PPP4R2: variants seen among roughly 807,000 people sequenced by gnomAD.
PPP4R2 encodes the protein serine/threonine-protein phosphatase 4 regulatory subunit 2.
PPP4R2 carries 13 observed loss-of-function variants against 47.2 expected under a neutral mutation model. The ratio of observed to expected loss-of-function variants is 0.28; its 90% CI spans 0.18 to 0.44. The LOEUF (loss-of-function observed/expected upper bound fraction) is 0.44, where lower values mean the gene tolerates loss of function less well. PPP4R2 is among the 20% of genes least tolerant of loss of function. PPP4R2 has a pLI of 1.00. For synonymous variants in PPP4R2, 151 were observed against 163.3 expected, an observed-to-expected ratio of 0.92 and a Z score of 0.57; for missense variants, 421 against 491.2, an observed-to-expected ratio of 0.86 and a Z score of 1.35.
rs191280808 is a variant in PPP4R2 at position 73,064,746 on chromosome 3, C to G, written c.639-106C>G. 140 of 1,005,442 alleles carry G rather than the reference C, an allele frequency of 1.4e-4. No individual in the cohort carries two copies. The East Asian group carries it at 2.9e-3, about 21-fold the overall frequency. The allele number at this position is 1,005,442 out of a possible 1,614,324, so 62.3% of individuals were successfully genotyped here. A position where few individuals can be genotyped will look rare whatever the true frequency, so the allele number is the denominator to read the frequency against. ...TCTTTGTTCAGGTGTTATAATTTAA[C>G]TTTGACACTGAAATACAATTTAAAA... On this transcript the variant is annotated intron_variant, in intron 7 of 8. Transcript: ENST00000356692.
chr3:73,013,667 C>G (rs1701769116), intron 2 of PPP4R2, among the ~76,000 whole-genome samples: 2 of 147,914 alleles, frequency 1.4e-5, no homozygotes, highest in South Asian at 4.2e-4. Flanking sequence ...TTGAGACAGT[C>G]TTGCTCTGTT....
In PPP4R2 at chr3:73,026,827, A is replaced by G. The variant is rs141392571; in HGVS notation, c.117-20359A>G. ...CCAAAACATTGGACAATCCTGGCCT[A>G]TACTGTTCCTGTAACTAGATGTCAT... On this transcript the variant is annotated intron_variant, in intron 2 of 8. Transcript: ENST00000356692. Among the ~76,000 whole-genome samples the G allele has an allele frequency of 7.6e-4, 116 of 152,280 alleles. 1 individual carries two copies. In the East Asian group the frequency reaches 0.017, roughly 23 times the overall value.
chr3:73,065,784 A>G lies in PPP4R2; in HGVS notation c.*62A>G, dbSNP rs147486232. On this transcript the variant is annotated 3_prime_UTR_variant, in exon 9 of 9. Transcript: ENST00000356692. ...AGTTCTGGTTTTAACACTGTATAAA[A>G]CTTTTGTGTAATAAAATGGACCTTT... 538 of 1,142,814 alleles carry G rather than the reference A, an allele frequency of 4.7e-4. 6 individuals are homozygous for G. The East Asian group carries it at 0.013, about 28-fold the overall frequency. 70.8% of individuals were successfully genotyped at this position (1,142,814 alleles called of 1,614,324 possible). A position where few individuals can be genotyped will look rare whatever the true frequency, so the allele number is the denominator to read the frequency against.
chr3:73,025,099 CAG>C (rs1452214863), intron 2 of PPP4R2, among the ~76,000 whole-genome samples: 3 of 152,206 alleles, frequency 2.0e-5, no homozygotes, highest in East Asian at 1.9e-4. Context: ...ATGAGAGAAA[CAG>C]AGCTGGCTAC....
chr3:73,051,087 G>C (rs899374740), intron 3 of PPP4R2, among the ~76,000 whole-genome samples: 5 of 152,032 alleles, frequency 3.3e-5, no homozygotes, highest in Admixed American at 3.3e-4. Flanking sequence ...GCTAATTTTT[G>C]TATTTTTAGT....
chr3:73,055,427 T>TGTGTGTGTGTGA (rs1702712528), intron 3 of PPP4R2, among the ~76,000 whole-genome samples: 1 of 109,410 alleles, frequency 9.1e-6, no homozygotes, highest in Admixed American at 9.0e-5. Context: ...CGTGTGTGTG[T>TGTGTGTGTGTGA]GTGTGTGTGT....
At chr3:73,013,401 G>C (rs889488964) in intron 2 of PPP4R2, among the ~76,000 whole-genome samples, 34 of 152,122 alleles carry the variant, frequency 2.2e-4, no homozygotes, top group African/African-American at 7.7e-4. Context: ...GGTAATTCTT[G>C]TGCCTATAAA....
At chr3:73,013,825 G>C (rs57451894) in intron 2 of PPP4R2, among the ~76,000 whole-genome samples, 57,858 of 151,872 alleles carry the variant, frequency 0.38, 11,417 homozygotes, top group African/African-American at 0.43. Flanking sequence ...ATTTTTAGTA[G>C]AGACAGGGTT....
intron 2 of PPP4R2, among the ~76,000 whole-genome samples, chr3:73,018,304 A>G (rs954098402): frequency 3.3e-5 from 5 of 151,948 alleles, no homozygotes; most frequent in Non-Finnish European, 5.9e-5. Context: ...CGTGGGTTCT[A>G]CAGGGTTGAC....
At chr3:73,034,252 TTAA>T (rs1279669083) in intron 2 of PPP4R2, among the ~76,000 whole-genome samples, 1 of 152,212 alleles carries the variant, frequency 6.6e-6, no homozygotes, top group Non-Finnish European at 1.5e-5. Flanking sequence ...CAATGCACCT[TTAA>T]AAAAGAGTGT....
chr3:73,006,757 T>C (rs1301101600), intron 2 of PPP4R2, among the ~76,000 whole-genome samples: 1 of 152,186 alleles, frequency 6.6e-6, no homozygotes, highest in Non-Finnish European at 1.5e-5. Flanking sequence ...ATTGCTAGAG[T>C]TGGCAAAATC....
At chr3:73,062,441 C>T (rs1272588421) in intron 5 of PPP4R2, 5 of 1,611,734 alleles carry the variant, frequency 3.1e-6, no homozygotes, top group Non-Finnish European at 4.2e-6. Flanking sequence ...CTCATTTCCA[C>T]CCTGTGACCC....
chr3:73,066,237 T>C lies in PPP4R2; in HGVS notation c.*515T>C, dbSNP rs1011258115. 8 of 114,546 alleles carry C rather than the reference T, an allele frequency of 7.0e-5. No homozygotes were observed. Among genetic ancestry groups the C allele is most frequent in the African/African-American group, 2.6e-4 (7 of 27,038 alleles). The allele number at this position is 114,546 out of a possible 1,614,324, so 7.1% of individuals were successfully genotyped here. A position where few individuals can be genotyped will look rare whatever the true frequency, so the allele number is the denominator to read the frequency against. On this transcript the variant is annotated 3_prime_UTR_variant, in exon 9 of 9. Coordinates refer to ENST00000356692, the MANE Select transcript of PPP4R2 (RefSeq NM_174907.4). Reference sequence around the variant, plus strand: ...AATGGAACTTTAAGTCATATATACATACATATATATATATATATATATATA... The same window carrying C: ...AATGGAACTTTAAGTCATATATACACACATATATATATATATATATATATA...
At chr3:73,020,060 A>G (rs1298627206) in intron 2 of PPP4R2, among the ~76,000 whole-genome samples, 1 of 152,148 alleles carries the variant, frequency 6.6e-6, no homozygotes, top group African/African-American at 2.4e-5. Flanking sequence ...TTAGCTTGGG[A>G]TGCTATAACA....
At chr3:73,015,903 G>A (rs1349423909) in intron 2 of PPP4R2, 1 of 332,906 alleles carries the variant, frequency 3.0e-6, no homozygotes, top group African/African-American at 2.2e-5. Context: ...CTCCCAAAGT[G>A]CTGGGATTAC....
chr3:73,026,721 C>T (rs545156073), intron 2 of PPP4R2, among the ~76,000 whole-genome samples: 1 of 152,084 alleles, frequency 6.6e-6, no homozygotes, highest in Non-Finnish European at 1.5e-5. Context: ...AAAAAAAGCA[C>T]ATCAGCTATC....
intron 2 of PPP4R2, among the ~76,000 whole-genome samples, chr3:73,023,119 A>G (rs1050913741): frequency 6.6e-6 from 1 of 152,036 alleles, no homozygotes; most frequent in African/African-American, 2.4e-5. Context: ...AAAATTGTTA[A>G]TGGAACAATA....
chr3:73,065,756 T>TA lies in PPP4R2; in HGVS notation c.*35dup, dbSNP rs1254937884. The TA allele has an allele frequency of 1.4e-6, 2 of 1,456,902 alleles. No individual in the cohort carries two copies. The highest frequency in any genetic ancestry group is 2.8e-5 in the African/African-American group (2 of 70,288). 90.2% of individuals were successfully genotyped at this position (1,456,902 alleles called of 1,614,324 possible). The stretch of plus-strand genomic sequence containing the variant: ...AAACATTTAGATGCAGTATTTTACA[T>TA]ACAGTTCTGGTTTTAACACTGTATA... On this transcript the variant is annotated 3_prime_UTR_variant, in exon 9 of 9. Coordinates refer to ENST00000356692, the MANE Select transcript of PPP4R2 (RefSeq NM_174907.4).
chr3:73,057,387 G>A (rs1702750368), intron 3 of PPP4R2, among the ~76,000 whole-genome samples: 1 of 152,038 alleles, frequency 6.6e-6, no homozygotes, highest in African/African-American at 2.4e-5. Flanking sequence ...TTTTGACATT[G>A]TACTTCACTC....
Sources: allele counts gnomAD v4.1 joint callset (sites outside exome capture counted in the v4.1 genomes callset), GRCh38; gene constraint gnomAD v4.1.1; transcripts MANE v1.5; gene names NCBI Gene and HGNC (gene_info 2026-07-23, HGNC 2026-07-21).